EPS15: variants seen among roughly 807,000 people sequenced by gnomAD.
EPS15 encodes epidermal growth factor receptor pathway substrate 15.
A neutral mutation model predicts 113.8 loss-of-function variants in EPS15; 72 were observed. The ratio of observed to expected loss-of-function variants is 0.63; its 90% confidence interval spans 0.52 to 0.77. The LOEUF is 0.77. Among genes scored for constraint, EPS15 ranks in the 30% least tolerant of loss-of-function variants. EPS15 has a pLI of 0.00. For missense variants in EPS15, 1,048 were observed against 1,045.8 expected, an observed-to-expected ratio of 1.00 and a Z score of -0.03; for synonymous variants, 344 against 363.4, an observed-to-expected ratio of 0.95 and a Z score of 0.61.
At chr1:51,485,175 C>A (rs528605554) in intron 1 of EPS15, among the ~76,000 whole-genome samples, 1 of 152,262 alleles carries the variant, frequency 6.6e-6, no homozygotes, top group South Asian at 2.1e-4. Context: ...CAGCTTCAAA[C>A]GTCAACATTT....
At chr1:51,384,298 CTTTTTTTTTTT>C (rs67265512) in intron 21 of EPS15, among the ~76,000 whole-genome samples, 2 of 99,530 alleles carry the variant, frequency 2.0e-5, no homozygotes, top group African/African-American at 9.0e-5. Context: ...TTCTTTCTTT[CTTTTTTTTTTT>C]TTTTTTTTTG....
At chr1:51,508,338 G>A (rs10664093) in intron 1 of EPS15, among the ~76,000 whole-genome samples, 5,893 of 121,744 alleles carry the variant, frequency 0.048, 348 homozygotes, top group African/African-American at 0.12. Flanking sequence ...AAGAGAAAGA[G>A]AGAAAGAAAG....
At chr1:51,452,950 A>G (rs955701124) in intron 8 of EPS15, among the ~76,000 whole-genome samples, 1 of 152,206 alleles carries the variant, frequency 6.6e-6, no homozygotes, top group Non-Finnish European at 1.5e-5. Flanking sequence ...AAGTTCCCGA[A>G]TGATGCTGAT....
rs76821593 is a variant in EPS15, at chr1:51,472,190, T to C, written c.166-453A>G. On this transcript the variant is annotated intron_variant, in intron 3 of 24. Coordinates refer to ENST00000371733, the MANE Select transcript of EPS15 (RefSeq NM_001981.3). ...GGGTAAGTGACTTAGCTCAAGAACATTCAAGGCACCAGGGAAAGAAGTGAA... is the reference window on the plus strand; with the variant it reads ...GGGTAAGTGACTTAGCTCAAGAACACTCAAGGCACCAGGGAAAGAAGTGAA... Among the ~76,000 whole-genome samples, 130 of 152,222 alleles carry C rather than the reference T, an allele frequency of 8.5e-4. 1 individual carries two copies. The highest frequency in any genetic ancestry group is 6.8e-3 in the Middle Eastern group (2 of 294).
intron 11 of EPS15, among the ~76,000 whole-genome samples, chr1:51,441,620 T>A (rs1022037318): frequency 3.9e-5 from 6 of 152,066 alleles, no homozygotes; most frequent in Non-Finnish European, 7.4e-5. Context: ...GCACACAATA[T>A]CCCATCTCCT....
intron 21 of EPS15, among the ~76,000 whole-genome samples, chr1:51,393,565 T>A (rs1647610365): frequency 6.6e-6 from 1 of 152,224 alleles, no homozygotes; most frequent in Admixed American, 6.5e-5. Flanking sequence ...TCACAATTAA[T>A]ACATCTGTAT....
At chr1:51,492,309 CAT>C (rs1644249118) in intron 1 of EPS15, among the ~76,000 whole-genome samples, 1 of 152,144 alleles carries the variant, frequency 6.6e-6, no homozygotes, top group Admixed American at 6.5e-5. Flanking sequence ...GCTAACATCT[CAT>C]GTTTGTTCCA....
chr1:51,456,655 A>T (rs1032062469), intron 8 of EPS15, among the ~76,000 whole-genome samples: 1 of 152,230 alleles, frequency 6.6e-6, no homozygotes, highest in Non-Finnish European at 1.5e-5. Context: ...TTTTTAAATT[A>T]CTTCAATTTT....
rs1402553868 is a variant in EPS15 at position 51,406,095 on chromosome 1, A to G, written c.1487T>C (p.Leu496Pro). Residue 496 changes from leucine (L) to proline (P), a missense_variant, in exon 16 of 25, where the codon CTG becomes CCG. Leu to Pro is a moderately conservative substitution (Grantham distance 98). Coordinates refer to ENST00000371733, the MANE Select transcript of EPS15 (RefSeq NM_001981.3). Reference protein sequence around the residue: ...QQEISSMQMKLMEMKDLENHN... With the variant: ...QQEISSMQMKPMEMKDLENHN... ...ATTTTCCAAATCTTTCATTTCCATCAGTTTCATTTGCATCTGCCAACACAA... is the reference window on the plus strand; with the variant it reads ...ATTTTCCAAATCTTTCATTTCCATCGGTTTCATTTGCATCTGCCAACACAA... The G allele has an allele frequency of 1.2e-6, 2 of 1,613,076 alleles. No individual in the cohort carries two copies. Among genetic ancestry groups the G allele is most frequent in the Non-Finnish European group, 1.7e-6 (2 of 1,179,710 alleles).
chr1:51,518,144 G>A (rs1644760073), intron 1 of EPS15, among the ~76,000 whole-genome samples: 2 of 152,168 alleles, frequency 1.3e-5, no homozygotes, highest in African/African-American at 4.8e-5. Context: ...TTGGGTCACA[G>A]GAGCAGGAAG....
chr1:51,464,127 C>T (rs1654674791), intron 6 of EPS15, among the ~76,000 whole-genome samples: 1 of 152,086 alleles, frequency 6.6e-6, no homozygotes, highest in Non-Finnish European at 1.5e-5. Context: ...CTAGTCCAAC[C>T]CTCTCACTTA....
chr1:51,445,366 A>G (rs920166576), intron 10 of EPS15, among the ~76,000 whole-genome samples: 4 of 152,214 alleles, frequency 2.6e-5, no homozygotes, highest in Non-Finnish European at 4.4e-5. Flanking sequence ...TACACCCAAC[A>G]TTTTTAACAT....
At chr1:51,392,267 A>G (rs1160480098) in intron 21 of EPS15, among the ~76,000 whole-genome samples, 1 of 152,236 alleles carries the variant, frequency 6.6e-6, no homozygotes, top group African/African-American at 2.4e-5. Context: ...CCTTGTCTGT[A>G]TAATAAACAT....
At chr1:51,358,890 G>A (rs937105513) in intron 24 of EPS15, among the ~76,000 whole-genome samples, 3 of 151,654 alleles carry the variant, frequency 2.0e-5, no homozygotes, top group African/African-American at 7.3e-5. Flanking sequence ...TTTTAGTAGA[G>A]ACGGGGTTTC....
At chr1:51,451,490 CAAAAAA>C (rs56091976) in intron 8 of EPS15, among the ~76,000 whole-genome samples, 2,823 of 50,770 alleles carry the variant, frequency 0.056, 31 homozygotes, top group Non-Finnish European at 0.074. Context: ...GACTCCATCT[CAAAAAA>C]AAAAAAAAAA....
chr1:51,356,744 C>G lies in EPS15; in HGVS notation c.2647G>C (p.Glu883Gln), dbSNP rs368138979. The change falls in exon 25 of 25, where the codon GAA becomes CAA. Residue 883 changes from glutamate (E) to glutamine (Q), a missense_variant. Glu to Gln is a conservative substitution (Grantham distance 29, BLOSUM62 2). Coordinates refer to ENST00000371733, the MANE Select transcript of EPS15 (RefSeq NM_001981.3). ...GATTTGCTGAGTGCAATAGCCAGTT[C>G]TAAGTCTTCTTGTTCCTGCTGATTT... Reference protein sequence around the residue: ...RLNQQEQEDLELAIALSKSEI... With the variant: ...RLNQQEQEDLQLAIALSKSEI... The G allele has an allele frequency of 9.2e-5, 149 of 1,613,910 alleles. No homozygotes were observed. Among genetic ancestry groups the G allele is most frequent in the Non-Finnish European group, 1.0e-4 (122 of 1,179,930 alleles).
chr1:51,519,165 C>A, intron 1 of EPS15, 34 bp downstream of exon 1: 1 of 1,421,300 alleles, frequency 7.0e-7, no homozygotes, highest in Non-Finnish European at 9.3e-7. Context: ...GGGCACCGGC[C>A]GGCCAAGCCC....
At chr1:51,360,269 T>C (rs1297027816) in intron 24 of EPS15, among the ~76,000 whole-genome samples, 1 of 152,176 alleles carries the variant, frequency 6.6e-6, no homozygotes, top group African/African-American at 2.4e-5. Context: ...ATCTCTGTTT[T>C]ATAGAACAGG....
intron 21 of EPS15, chr1:51,372,151 C>T (rs1227075390): frequency 8.0e-6 from 3 of 376,704 alleles, no homozygotes; most frequent in Non-Finnish European, 1.6e-5. Context: ...CATACCTGCC[C>T]ATGCACACAC....
Sources: allele counts gnomAD v4.1 joint callset (sites outside exome capture counted in the v4.1 genomes callset), GRCh38; gene constraint gnomAD v4.1.1; transcripts MANE v1.5; gene names NCBI Gene and HGNC (gene_info 2026-07-23, HGNC 2026-07-21).